MTHFD1: variants seen among roughly 807,000 people sequenced by gnomAD.
MTHFD1 encodes C-1-tetrahydrofolate synthase, cytoplasmic.
In MTHFD1, 44 loss-of-function variants were observed where a neutral mutation model predicts 110.3. The ratio of observed to expected loss-of-function variants is 0.40; its 90% CI spans 0.31 to 0.51. MTHFD1 has a LOEUF of 0.51. Ranked by LOEUF, MTHFD1 falls within the 20% of genes least tolerant of loss-of-function variation. MTHFD1 has a pLI of 0.60. For missense variants in MTHFD1, 909 were observed against 1,173.1 expected, an observed-to-expected ratio of 0.77 and a Z score of 3.29; for synonymous variants, 402 against 428.8, an observed-to-expected ratio of 0.94 and a Z score of 0.77.
chr14:64,456,121 A>G (rs948481838), intron 26 of MTHFD1, among the ~76,000 whole-genome samples: 4 of 152,254 alleles, frequency 2.6e-5, no homozygotes, highest in African/African-American at 9.6e-5. Flanking sequence ...CACATGAAGA[A>G]AAGGGTAACA....
intron 15 of MTHFD1, among the ~76,000 whole-genome samples, chr14:64,433,785 C>T (rs1050554111): frequency 4.8e-5 from 7 of 145,576 alleles, no homozygotes; most frequent in Non-Finnish European, 8.9e-5. Flanking sequence ...AATCCCAGAA[C>T]GTTGGGAAGC....
chr14:64,448,777 C>A (rs1413399691), intron 23 of MTHFD1, among the ~76,000 whole-genome samples: 1 of 150,744 alleles, frequency 6.6e-6, no homozygotes, highest in African/African-American at 2.5e-5. Flanking sequence ...ATGGCCTCAC[C>A]GTAGTAGAAT....
At chr14:64,391,928 G>A (rs557011753) in intron 1 of MTHFD1, among the ~76,000 whole-genome samples, 2 of 152,306 alleles carry the variant, frequency 1.3e-5, no homozygotes, top group South Asian at 2.1e-4. Context: ...CATACTGATG[G>A]GTAGAGACAG....
Position 64,454,897 on chromosome 14 carries a change from G to T in MTHFD1, c.2718+22G>T, listed in dbSNP as rs149013241. ...AACGGTAAGTGCATGCTGCAAGGGA[G>T]TAGTGGGCGCATCTGCACTTCTCGT... On this transcript the variant is annotated intron_variant, in intron 26 of 27. Coordinates refer to ENST00000652337, the MANE Select transcript of MTHFD1 (RefSeq NM_005956.4). 641 of 1,613,382 alleles carry T rather than the reference G, an allele frequency of 4.0e-4. 2 individuals are homozygous for T. The African/African-American group carries it at 7.8e-3, about 20-fold the overall frequency.
intron 2 of MTHFD1, among the ~76,000 whole-genome samples, chr14:64,409,643 GAA>G (rs1205673089): frequency 6.6e-6 from 1 of 151,966 alleles, no homozygotes; most frequent in East Asian, 1.9e-4. Context: ...TGAGAGGCAC[GAA>G]AAGTCTAGGG....
intron 21 of MTHFD1, among the ~76,000 whole-genome samples, chr14:64,443,556 C>G (rs1001504782): frequency 6.6e-6 from 1 of 152,116 alleles, no homozygotes; most frequent in African/African-American, 2.4e-5. Context: ...TTCATGGACC[C>G]CTTCAAAGGA....
chr14:64,429,162 A>G (rs2078139854), intron 12 of MTHFD1, among the ~76,000 whole-genome samples: 1 of 149,902 alleles, frequency 6.7e-6, no homozygotes, highest in Non-Finnish European at 1.5e-5. Context: ...CCCCGTCTCT[A>G]TTAAAAACAC....
At chr14:64,429,490 A>C (rs2078142830) in intron 12 of MTHFD1, among the ~76,000 whole-genome samples, 1 of 151,956 alleles carries the variant, frequency 6.6e-6, no homozygotes, top group African/African-American at 2.4e-5. Context: ...GCTTTTGGCT[A>C]ATACAGATTG....
At chr14:64,410,202 A>T (rs1397915293) in intron 2 of MTHFD1, among the ~76,000 whole-genome samples, 1 of 152,162 alleles carries the variant, frequency 6.6e-6, no homozygotes, top group Non-Finnish European at 1.5e-5. Context: ...TCTGCACTAC[A>T]AGTTTCTCCC....
intron 16 of MTHFD1, among the ~76,000 whole-genome samples, chr14:64,438,848 G>A (rs540322069): frequency 6.6e-6 from 1 of 152,164 alleles, no homozygotes; most frequent in Non-Finnish European, 1.5e-5. Flanking sequence ...CTAGTTAACT[G>A]TTTGAATTCT....
At chr14:64,397,138 AATATATATATATATAT>A (rs1182197415) in intron 1 of MTHFD1, among the ~76,000 whole-genome samples, 182 of 11,920 alleles carry the variant, frequency 0.015, 2 homozygotes, top group Non-Finnish European at 0.021. Flanking sequence ...AAAAAAAAAA[AATATATATATATATAT>A]ATATATATAT....
rs1382459017 is a variant in MTHFD1 at position 64,431,616 on chromosome 14, C to A, written c.1396C>A (p.His466Asn). Residue 466 changes from histidine to asparagine, a missense_variant, in exon 14 of 28, where the codon CAT becomes AAT. His to Asn is a moderately conservative substitution (Grantham distance 68). Around this residue, in one of 3 missense-constraint regions of MTHFD1, gnomAD observed 482 missense variants for 646.0 expected, o/e 0.75. Transcript: ENST00000652337. ...TGCGGCCATTGATGCTCGGATATTT[C>A]ATGAACTGACCCAGACAGACAAGGT... is the stretch of plus-strand genomic sequence containing the variant. ...VAAAIDARIF[H>N]ELTQTDKALF... is the part of the protein sequence containing the mutation. 6.2e-7 allele frequency: 1 copy of A among 1,614,158 alleles called. No homozygotes were observed. Among genetic ancestry groups the A allele is most frequent in the East Asian group, 2.2e-5 (1 of 44,888 alleles).
chr14:64,439,446 G>T, intron 17 of MTHFD1: 1 of 496,548 alleles, frequency 2.0e-6, no homozygotes. Context: ...GATTAAAATT[G>T]CTTCTTTTTT....
chr14:64,450,259 G>A (rs2078349276), intron 24 of MTHFD1, among the ~76,000 whole-genome samples: 1 of 152,216 alleles, frequency 6.6e-6, no homozygotes, highest in African/African-American at 2.4e-5. Context: ...ATTCACTGTA[G>A]CCTTTAAAAC....
chr14:64,442,676 C>T (rs748963104), intron 21 of MTHFD1, among the ~76,000 whole-genome samples: 4 of 152,162 alleles, frequency 2.6e-5, no homozygotes, highest in Admixed American at 6.5e-5. Context: ...GACGTGTACT[C>T]GGCTAGCCCC....
At chr14:64,414,836 T>G (rs999914959) in intron 4 of MTHFD1, among the ~76,000 whole-genome samples, 1 of 151,942 alleles carries the variant, frequency 6.6e-6, no homozygotes, top group African/African-American at 2.4e-5. Flanking sequence ...ATTACAGGCA[T>G]GTGCCACCAC....
rs1404885472 is a variant in MTHFD1, at chr14:64,417,857, CA to C, written c.479-29del. ...GCGAAGGAGGGCAGCTTCTATCCTCCAACTCTGATGCAGGCTGGCTTTTCTT... is the reference window on the plus strand; with the variant it reads ...GCGAAGGAGGGCAGCTTCTATCCTCCACTCTGATGCAGGCTGGCTTTTCTT... On this transcript the variant is annotated intron_variant, in intron 6 of 27. Transcript: ENST00000652337. This position sits in a 1 kb window ranked among gnomAD's most constrained non-coding sequence, Gnocchi z 4.4. 1 of 1,611,880 alleles carries C rather than the reference CA, an allele frequency of 6.2e-7. No individual in the cohort carries two copies. Among genetic ancestry groups the C allele is most frequent in the Non-Finnish European group, 8.5e-7 (1 of 1,179,826 alleles).
intron 13 of MTHFD1, 74 bp downstream of exon 13, chr14:64,430,304 C>T (rs988988334): frequency 5.2e-5 from 71 of 1,356,978 alleles, no homozygotes; most frequent in Non-Finnish European, 6.7e-5. Context: ...AATTAGCTCC[C>T]TTTTTTTCCC....
intron 23 of MTHFD1, chr14:64,448,703 G>C: frequency 3.7e-6 from 1 of 269,720 alleles, no homozygotes; most frequent in South Asian, 4.7e-5. Context: ...TACTCTGGAA[G>C]GGGTCATGCA....
Sources: allele counts gnomAD v4.1 joint callset (sites outside exome capture counted in the v4.1 genomes callset), GRCh38; gene constraint gnomAD v4.1.1; regional missense constraint gnomAD v4.1.1; non-coding constraint Gnocchi (gnomAD v3.1); transcripts MANE v1.5; gene names NCBI Gene and HGNC (gene_info 2026-07-23, HGNC 2026-07-21).